MYO16: variants seen among roughly 807,000 people sequenced by gnomAD.
The protein encoded by MYO16 is myosin XVI, also known as unconventional myosin-XVI.
Under a neutral mutation model 205.3 loss-of-function variants are expected in MYO16, and 94 were observed. That is an observed-to-expected ratio of 0.46 (90% CI 0.39 to 0.54). MYO16 has a LOEUF of 0.54. Ranked by LOEUF, MYO16 falls within the 20% of genes least tolerant of loss-of-function variation. The probability of loss-of-function intolerance (pLI) is 0.00; values close to 1 mark genes in which losing one functional copy is unlikely to be tolerated. For missense variants in MYO16, 2,315 were observed against 2,387.5 expected (o/e 0.97, Z 0.63); for synonymous variants, 988 against 954.0 (o/e 1.04, Z -0.66).
intron 28 of MYO16, among the ~76,000 whole-genome samples, chr13:109,112,480 G>A (rs1224845189): frequency 3.3e-5 from 5 of 152,124 alleles, no homozygotes; most frequent in Non-Finnish European, 7.4e-5. Flanking sequence ...TGATGGCCGG[G>A]CATGGTGGCT....
chr13:108,665,306 T>A (rs1040497272), intron 1 of MYO16, among the ~76,000 whole-genome samples: 2 of 152,100 alleles, frequency 1.3e-5, no homozygotes, highest in Non-Finnish European at 2.9e-5. Context: ...GATGGGGGTC[T>A]TCCTATTGTT....
At chr13:109,199,239 T>C (rs1880308898) in intron 34 of MYO16, among the ~76,000 whole-genome samples, 2 of 99,470 alleles carry the variant, frequency 2.0e-5, no homozygotes, top group South Asian at 3.4e-4. Flanking sequence ...TATATATATA[T>C]ACCGTCATTT....
At chr13:108,924,829 G>GA (rs1881914846) in intron 16 of MYO16, among the ~76,000 whole-genome samples, 1 of 138 alleles carries the variant, frequency 7.2e-3, no homozygotes, top group South Asian at 0.12. Flanking sequence ...AACGTCTGTT[G>GA]CCGCACCCTG....
intron 4 of MYO16, among the ~76,000 whole-genome samples, chr13:108,735,392 C>T (rs913551599): frequency 2.7e-5 from 4 of 150,658 alleles, no homozygotes; most frequent in Non-Finnish European, 5.9e-5. Context: ...ATAATTTGCT[C>T]AGAATGATCA....
At chr13:109,052,808 G>GCTAT (rs1490049739) in intron 25 of MYO16, among the ~76,000 whole-genome samples, 1 of 152,072 alleles carries the variant, frequency 6.6e-6, no homozygotes, top group African/African-American at 2.4e-5. Flanking sequence ...AGTAAACTTA[G>GCTAT]CTATCTTATT....
chr13:108,753,370 C>CAAAAAAAAAAAAAAAAAAAAA (rs534466420), intron 4 of MYO16, among the ~76,000 whole-genome samples: 16 of 111,774 alleles, frequency 1.4e-4, no homozygotes, highest in African/African-American at 5.7e-4. Context: ...AACTCTGTGA[C>CAAAAAAAAAAAAAAAAAAAAA]AAAAAAAAAA....
intron 3 of MYO16, among the ~76,000 whole-genome samples, chr13:108,719,319 C>T (rs1189158764): frequency 6.6e-6 from 1 of 152,140 alleles, no homozygotes; most frequent in Non-Finnish European, 1.5e-5. Context: ...CAGCCTGAAA[C>T]TCACCTACTT....
chr13:109,067,828 C>T (rs769315212), intron 27 of MYO16, among the ~76,000 whole-genome samples: 2 of 152,106 alleles, frequency 1.3e-5, no homozygotes, highest in African/African-American at 2.4e-5. Flanking sequence ...TCAGTCACAA[C>T]CTTTGGAAAA....
chr13:108,844,767 A>G (rs1196296654), intron 10 of MYO16, among the ~76,000 whole-genome samples: 1 of 152,166 alleles, frequency 6.6e-6, no homozygotes, highest in Non-Finnish European at 1.5e-5. Flanking sequence ...GAATATTTCC[A>G]GTTGAGTCAT....
intron 1 of MYO16, among the ~76,000 whole-genome samples, chr13:108,631,162 T>G (rs569860338): frequency 6.6e-6 from 1 of 152,336 alleles, no homozygotes; most frequent in South Asian, 2.1e-4. Flanking sequence ...CCTCTCGTGT[T>G]TTACTGCACT....
intron 20 of MYO16, among the ~76,000 whole-genome samples, chr13:108,968,774 C>G (rs1179596347): frequency 6.6e-6 from 1 of 152,206 alleles, no homozygotes; most frequent in East Asian, 1.9e-4. Context: ...GACATCACCA[C>G]CAGTTCCAGT....
intron 34 of MYO16, among the ~76,000 whole-genome samples, chr13:109,189,578 T>G (rs1379158155): frequency 6.6e-6 from 1 of 152,234 alleles, no homozygotes; most frequent in East Asian, 1.9e-4. Flanking sequence ...TCACCCTCTA[T>G]CACCCATCTT....
chr13:108,950,316 A>C (rs1282081426), intron 16 of MYO16, among the ~76,000 whole-genome samples: 1 of 152,346 alleles, frequency 6.6e-6, no homozygotes, highest in East Asian at 1.9e-4. Flanking sequence ...GAATATATAA[A>C]CAGCACTCCA....
chr13:108,715,007 G>C (rs7997544), intron 3 of MYO16, among the ~76,000 whole-genome samples: 9 of 152,266 alleles, frequency 5.9e-5, no homozygotes, highest in South Asian at 2.1e-4. Context: ...CAGCCGGGTC[G>C]TGTCACTTCT....
chr13:109,084,260 A>G (rs147813729), intron 27 of MYO16, among the ~76,000 whole-genome samples: 4 of 152,334 alleles, frequency 2.6e-5, no homozygotes, highest in South Asian at 4.1e-4. Context: ...CAATGATAGC[A>G]TTGCCAATTC....
chr13:108,684,065 G>A (rs141810208), intron 2 of MYO16, among the ~76,000 whole-genome samples: 1,611 of 152,196 alleles, frequency 0.011, 33 homozygotes, highest in African/African-American at 0.037. Context: ...TAGTAGAGAC[G>A]GGGTTTCACC....
intron 2 of MYO16, among the ~76,000 whole-genome samples, chr13:108,668,638 G>T (rs1013790998): frequency 6.6e-6 from 1 of 152,116 alleles, no homozygotes; most frequent in Non-Finnish European, 1.5e-5. Context: ...GATGGATACG[G>T]GGCAGGGACA....
intron 28 of MYO16, among the ~76,000 whole-genome samples, chr13:109,117,206 A>G (rs78892754): frequency 0.026 from 3,919 of 151,996 alleles, 166 homozygotes; most frequent in African/African-American, 0.089. Flanking sequence ...CCTAGAAGCT[A>G]TCATCTGTCT....
At chr13:108,967,458 A>G (rs1290609649) in intron 20 of MYO16, among the ~76,000 whole-genome samples, 2 of 152,170 alleles carry the variant, frequency 1.3e-5, no homozygotes, top group African/African-American at 2.4e-5. Context: ...AATGAGCAGA[A>G]GTGTTTGCCA....
Sources: gnomAD v4.1 joint callset for allele counts (sites outside exome capture counted in the v4.1 genomes callset) on GRCh38, gnomAD v4.1.1 for gene constraint, MANE v1.5 for transcripts, NCBI Gene and HGNC (gene_info 2026-07-23, HGNC 2026-07-21) for gene names.